SYT16: variants seen among roughly 807,000 people sequenced by gnomAD.
The protein encoded by SYT16 is synaptotagmin-16.
A neutral mutation model predicts 61.4 loss-of-function variants in SYT16; 42 were observed. The ratio of observed to expected loss-of-function variants is 0.68; its 90% CI spans 0.53 to 0.89. The LOEUF (loss-of-function observed/expected upper bound fraction) is 0.89. Ranked by LOEUF, SYT16 falls within the 40% of genes least tolerant of loss-of-function variation. The pLI is 0.00. For missense variants in SYT16, 804 were observed against 807.3 expected (o/e 1.00, Z 0.05); for synonymous variants, 314 against 302.3 (o/e 1.04, Z -0.40).
chr14:62,065,969 G>A (rs368578252), intron 3 of SYT16, among the ~76,000 whole-genome samples: 70 of 152,300 alleles, frequency 4.6e-4, no homozygotes, highest in African/African-American at 1.2e-3. Context: ...CTACTGTGGC[G>A]TTAGATGCAG....
intron 7 of SYT16, among the ~76,000 whole-genome samples, chr14:62,095,523 A>G (rs1468536063): frequency 1.3e-5 from 2 of 151,958 alleles, no homozygotes. Context: ...CGATACCAAA[A>G]AATAATAAAA....
rs867722370 is a variant in SYT16, at chr14:61,849,687, G to A, written c.-325+36877G>A. ...TTCTTTACCTCATGTGGCCACTGTC[G>A]GGGTGGGAGAGGGGTGGCATTGGCA... On this transcript the variant is annotated intron_variant, in intron 1 of 7. Coordinates refer to ENST00000683842, the MANE Select transcript of SYT16 (RefSeq NM_001367656.1). Among the ~76,000 whole-genome samples, 8 of 38,388 alleles carry A rather than the reference G, an allele frequency of 2.1e-4. No homozygotes were observed. In the South Asian group the frequency reaches 6.6e-3, roughly 32 times the overall value. 25.2% of individuals were successfully genotyped at this position (38,388 alleles called of 152,430 possible). A position where few individuals can be genotyped will look rare whatever the true frequency, so the allele number is the denominator to read the frequency against.
At chr14:61,818,347 C>T (rs779908130) in intron 1 of SYT16, among the ~76,000 whole-genome samples, 12 of 152,082 alleles carry the variant, frequency 7.9e-5, no homozygotes, top group Non-Finnish European at 1.8e-4. Flanking sequence ...CCTCATAATC[C>T]CCAAGCTTTT....
chr14:62,025,949 C>A (rs529705508), intron 3 of SYT16, among the ~76,000 whole-genome samples: 13 of 151,908 alleles, frequency 8.6e-5, no homozygotes, highest in Non-Finnish European at 1.6e-4. Flanking sequence ...ATATTAATTG[C>A]TAATATTAAA....
intron 3 of SYT16, among the ~76,000 whole-genome samples, chr14:62,050,278 T>C (rs2055211823): frequency 6.6e-6 from 1 of 152,258 alleles, no homozygotes; most frequent in African/African-American, 2.4e-5. Context: ...TGCTGAGGCT[T>C]GTGCATTCGT....
chr14:62,062,438 G>A (rs1309466755), intron 3 of SYT16, among the ~76,000 whole-genome samples: 1 of 152,100 alleles, frequency 6.6e-6, no homozygotes, highest in Non-Finnish European at 1.5e-5. Context: ...GATTGAAAAG[G>A]GTGCAGAGCC....
At chr14:61,854,945 T>C (rs181756695) in intron 1 of SYT16, among the ~76,000 whole-genome samples, 29 of 152,288 alleles carry the variant, frequency 1.9e-4, no homozygotes, top group Non-Finnish European at 2.6e-4. Context: ...GGGATCTTTC[T>C]TTTGCTTGTC....
At chr14:62,093,059 T>C (rs949715339) in intron 7 of SYT16, among the ~76,000 whole-genome samples, 1 of 152,072 alleles carries the variant, frequency 6.6e-6, no homozygotes, top group African/African-American at 2.4e-5. Context: ...GCTGTATGTA[T>C]GTGGGAGCAG....
intron 3 of SYT16, among the ~76,000 whole-genome samples, chr14:62,068,458 G>A (rs2056157736): frequency 1.3e-5 from 2 of 152,174 alleles, no homozygotes; most frequent in South Asian, 4.1e-4. Context: ...AGTATACAAA[G>A]CGGATATGCA....
intron 1 of SYT16, among the ~76,000 whole-genome samples, chr14:61,926,333 T>G (rs1185126853): frequency 6.6e-6 from 1 of 152,174 alleles, no homozygotes; most frequent in Non-Finnish European, 1.5e-5. Context: ...ATGAAGGACA[T>G]AGACAGACAT....
intron 1 of SYT16, among the ~76,000 whole-genome samples, chr14:61,964,822 A>G (rs552853371): frequency 6.6e-6 from 1 of 152,054 alleles, no homozygotes; most frequent in Middle Eastern, 3.2e-3. Context: ...TGTCCTGATC[A>G]TTCAACAGCC....
chr14:61,960,919 C>T (rs2051092461), intron 1 of SYT16, among the ~76,000 whole-genome samples: 3 of 152,120 alleles, frequency 2.0e-5, no homozygotes, highest in African/African-American at 7.2e-5. Context: ...CAGAAACAGA[C>T]ACTTGTGTCA....
chr14:61,909,428 C>T (rs2048844013), intron 1 of SYT16, among the ~76,000 whole-genome samples: 1 of 152,154 alleles, frequency 6.6e-6, no homozygotes, highest in South Asian at 2.1e-4. Context: ...GCGAATCTTT[C>T]TTTGCCTCCC....
chr14:61,980,914 G>C (rs2052042355), intron 2 of SYT16, among the ~76,000 whole-genome samples: 1 of 151,834 alleles, frequency 6.6e-6, no homozygotes, highest in African/African-American at 2.4e-5. Context: ...CTATTAGGGA[G>C]AGTTTTTCCA....
At chr14:61,854,083 C>A (rs2046700537) in intron 1 of SYT16, among the ~76,000 whole-genome samples, 1 of 152,136 alleles carries the variant, frequency 6.6e-6, no homozygotes, top group Non-Finnish European at 1.5e-5. Flanking sequence ...TTGATACACA[C>A]ACACCCCCAC....
intron 2 of SYT16, among the ~76,000 whole-genome samples, chr14:61,976,236 C>A (rs534145364): frequency 2.0e-5 from 3 of 152,208 alleles, no homozygotes; most frequent in Non-Finnish European, 4.4e-5. Flanking sequence ...AGTCCCCCTC[C>A]TGGTTGCTTT....
Position 62,110,945 on chromosome 14 carries a change from C to A in SYT16, c.*10238C>A, listed in dbSNP as rs2057598041. 6.6e-6 allele frequency: 1 copy of A among 152,044 alleles called. No homozygotes were observed. Among genetic ancestry groups the A allele is most frequent in the African/African-American group, 2.4e-5 (1 of 41,446 alleles). The allele number at this position is 152,044 out of a possible 1,614,324, so 9.4% of individuals were successfully genotyped here. A position where few individuals can be genotyped will look rare whatever the true frequency, so the allele number is the denominator to read the frequency against. ...CATCTCTCCCCTCCCAAGTGACTTT[C>A]CTCACTCATGTAATCATTTTCTTCA... is the stretch of plus-strand genomic sequence containing the variant. On this transcript the variant is annotated 3_prime_UTR_variant, in exon 8 of 8. Transcript: ENST00000683842.
chr14:61,878,486 G>T (rs1189804948), intron 1 of SYT16, among the ~76,000 whole-genome samples: 1 of 152,146 alleles, frequency 6.6e-6, no homozygotes, highest in East Asian at 1.9e-4. Context: ...CAAGGTATCT[G>T]ATTTTCAGTT....
intron 3 of SYT16, among the ~76,000 whole-genome samples, chr14:62,023,525 C>T (rs1390942979): frequency 6.6e-6 from 1 of 152,104 alleles, no homozygotes; most frequent in African/African-American, 2.4e-5. Context: ...AATTTTGTCC[C>T]AGCTGCTTTG....
Sources: gnomAD v4.1 joint callset for allele counts (sites outside exome capture counted in the v4.1 genomes callset) on GRCh38, gnomAD v4.1.1 for gene constraint, MANE v1.5 for transcripts, NCBI Gene and HGNC (gene_info 2026-07-23, HGNC 2026-07-21) for gene names.